The following CBR4 variants were observed in gnomAD, a reference collection of about 807,000 sequenced individuals.
The protein encoded by CBR4 is 3-oxoacyl-[acyl-carrier-protein] reductase.
In CBR4, 22 loss-of-function variants were observed where a neutral mutation model predicts 21.0. The ratio of observed to expected loss-of-function variants is 1.05; its 90% CI spans 0.75 to 1.50. CBR4 has a LOEUF of 1.50. Among genes scored for constraint, CBR4 ranks in the 40% most tolerant of loss-of-function variants. The pLI is 0.00. For missense variants in CBR4, 302 were observed against 286.3 expected (o/e 1.05, Z -0.40); for synonymous variants, 100 against 104.4 (o/e 0.96, Z 0.26).
intron 2 of CBR4, chr4:168,904,311 C>T (rs995528228): frequency 3.8e-5 from 7 of 183,730 alleles, no homozygotes; most frequent in Non-Finnish European, 8.2e-5. Flanking sequence ...AAGAAAAACT[C>T]AACAAAGTAA....
chr4:168,924,963 C>T lies in CBR4; in HGVS notation n.170-30198G>A, dbSNP rs779615947. ...TCTCCAGCATGCACCAGGACAACCA[C>T]GGCTACATCTGCCTGCTCATTCAGG... On this transcript the variant is annotated intron_variant and non_coding_transcript_variant, in intron 2 of 3. Transcript: ENST00000509108. 1.7e-5 allele frequency: 28 copies of T among 1,613,996 alleles called. No homozygotes were observed. Among genetic ancestry groups the T allele is most frequent in the Middle Eastern group, 1.6e-4 (1 of 6,082 alleles).
At chr4:168,929,500 TC>T (rs1762900632) in intron 2 of CBR4, among the ~76,000 whole-genome samples, 1 of 152,334 alleles carries the variant, frequency 6.6e-6, no homozygotes, top group Admixed American at 6.5e-5. Context: ...TCCTTGATTT[TC>T]CCTTTTATGA....
At chr4:169,005,982 G>A in intron 3 of CBR4, 2 of 1,062,914 alleles carry the variant, frequency 1.9e-6, no homozygotes, top group Non-Finnish European at 2.5e-6. Flanking sequence ...TTACCAAACT[G>A]AAATAAAATT....
intron 2 of CBR4, among the ~76,000 whole-genome samples, chr4:168,942,272 T>C (rs57793270): frequency 0.051 from 7,669 of 151,758 alleles, 616 homozygotes; most frequent in African/African-American, 0.17. Context: ...TTAGAACAAA[T>C]ACCTAATGCA....
Position 168,993,212 on chromosome 4 carries a change from C to CTT in CBR4, c.536-2886_536-2885dup, listed in dbSNP as rs150721961. Among the ~76,000 whole-genome samples the CTT allele has an allele frequency of 8.6e-3, 1,203 of 139,398 alleles. 17 individuals carry two copies. The highest frequency in any genetic ancestry group is 0.019 in the South Asian group (82 of 4,362). 91.5% of individuals were successfully genotyped at this position (139,398 alleles called of 152,430 possible). On this transcript the variant is annotated intron_variant, in intron 4 of 4. Coordinates refer to ENST00000306193, the MANE Select transcript of CBR4 (RefSeq NM_032783.5). ...TCTGTCTTTAGACACATGTATTTTC[C>CTT]TTTTTTTTTTTTTTTTGAGACAAGA...
At chr4:168,894,922 CCTT>C (rs878970618) in intron 2 of CBR4, among the ~76,000 whole-genome samples, 1 of 152,180 alleles carries the variant, frequency 6.6e-6, no homozygotes, top group Admixed American at 6.5e-5. Flanking sequence ...TGATTATTCT[CCTT>C]TCCAGTACAT....
chr4:168,975,392 G>A (rs1263854085), intron 2 of CBR4, among the ~76,000 whole-genome samples: 2 of 152,206 alleles, frequency 1.3e-5, no homozygotes, highest in African/African-American at 2.4e-5. Context: ...TGTTAGCAGT[G>A]AAGTTGTCAC....
chr4:168,951,306 C>T (rs1488660892), intron 2 of CBR4, among the ~76,000 whole-genome samples: 1 of 152,196 alleles, frequency 6.6e-6, no homozygotes, highest in Non-Finnish European at 1.5e-5. Flanking sequence ...ATCCACCCGC[C>T]TCGGCCTCCC....
In CBR4 at chr4:168,973,424, T is replaced by A. The variant is rs543364288; in HGVS notation, n.169+28647A>T. Among the ~76,000 whole-genome samples the A allele has an allele frequency of 2.6e-5, 4 of 152,296 alleles. No individual in the cohort carries two copies. The East Asian group carries it at 7.7e-4, about 29-fold the overall frequency. ...CTCACTGCAACCTCCACCTCCTGGA[T>A]TCAAGCAATTCTCCTGCCTCAGCCT... On this transcript the variant is annotated intron_variant and non_coding_transcript_variant, in intron 2 of 3. Transcript: ENST00000509108.
chr4:168,917,574 A>T (rs923647533), intron 2 of CBR4, among the ~76,000 whole-genome samples: 1 of 152,226 alleles, frequency 6.6e-6, no homozygotes, highest in Non-Finnish European at 1.5e-5. Flanking sequence ...AAATATGGAT[A>T]AGGTTTTAAA....
chr4:168,970,395 A>C (rs1764169188), intron 2 of CBR4, among the ~76,000 whole-genome samples: 1 of 152,200 alleles, frequency 6.6e-6, no homozygotes, highest in Admixed American at 6.5e-5. Context: ...GTATCATGTG[A>C]AGAACCAATT....
chr4:168,941,351 C>T lies in CBR4; in HGVS notation n.170-46586G>A, dbSNP rs553355798. ...AAAATTTTTTTAAAAAGATTATACA[C>T]CATGATCAAGTAGGATATATCCCAA... On this transcript the variant is annotated intron_variant and non_coding_transcript_variant, in intron 2 of 3. Coordinates refer to the CBR4 transcript ENST00000509108. Among the ~76,000 whole-genome samples, 139 of 152,162 alleles carry T rather than the reference C, an allele frequency of 9.1e-4. 1 individual carries two copies. Among genetic ancestry groups the T allele is most frequent in the African/African-American group, 3.2e-3 (134 of 41,534 alleles).
Position 168,988,535 on chromosome 4 carries a change from C to G in CBR4, c.*1615G>C. ...AGCAATTGAGACAGCATTAGAGAAA[C>G]TATCTACTATGTCTGAATAAGCTCC... On this transcript the variant is annotated 3_prime_UTR_variant, in exon 5 of 5. Transcript: ENST00000306193. 8.1e-6 allele frequency: 8 copies of G among 985,356 alleles called. No homozygotes were observed. Among genetic ancestry groups the G allele is most frequent in the Non-Finnish European group, 8.4e-6 (7 of 829,904 alleles). 61.0% of individuals were successfully genotyped at this position (985,356 alleles called of 1,614,324 possible).
At chr4:168,974,811 A>T (rs1414266167) in intron 2 of CBR4, among the ~76,000 whole-genome samples, 2 of 149,724 alleles carry the variant, frequency 1.3e-5, no homozygotes. Context: ...CATATCCTTT[A>T]TTTTTTTTTA....
chr4:168,972,129 A>G (rs1260278833), intron 2 of CBR4, among the ~76,000 whole-genome samples: 1 of 152,104 alleles, frequency 6.6e-6, no homozygotes, highest in Non-Finnish European at 1.5e-5. Flanking sequence ...TGGCTTCTCT[A>G]TTCTGTTCCA....
intron 2 of CBR4, among the ~76,000 whole-genome samples, chr4:168,952,847 A>T (rs1378742853): frequency 6.6e-6 from 1 of 151,950 alleles, no homozygotes; most frequent in Non-Finnish European, 1.5e-5. Flanking sequence ...TTCTGTGAGG[A>T]TTCTTGGCTT....
At chr4:168,920,843 T>TAA (rs1761328799) in intron 2 of CBR4, among the ~76,000 whole-genome samples, 1 of 152,216 alleles carries the variant, frequency 6.6e-6, no homozygotes, top group Non-Finnish European at 1.5e-5. Context: ...TGAGAAGCTT[T>TAA]ACAGTACTAT....
chr4:169,006,910 T>C lies in CBR4; in HGVS notation c.264-19A>G, dbSNP rs1730951595. The C allele has an allele frequency of 6.4e-7, 1 of 1,566,600 alleles. No homozygotes were observed. The highest frequency in any genetic ancestry group is 1.1e-5 in the South Asian group (1 of 88,896). Reference sequence around the variant, plus strand: ...ACCATCCCTACAAAAAGAAACAGCATATAATAGCATATAATAACAAGATAA... The same window carrying C: ...ACCATCCCTACAAAAAGAAACAGCACATAATAGCATATAATAACAAGATAA... On this transcript the variant is annotated intron_variant, in intron 2 of 4. Coordinates refer to ENST00000306193, the MANE Select transcript of CBR4 (RefSeq NM_032783.5).
chr4:168,994,705 A>G (rs1765098985), intron 4 of CBR4, among the ~76,000 whole-genome samples: 1 of 147,020 alleles, frequency 6.8e-6, no homozygotes. Context: ...CAGCCTCCCC[A>G]GCAGCTGGGA....
Sources: gnomAD v4.1 joint callset for allele counts (sites outside exome capture counted in the v4.1 genomes callset) on GRCh38, gnomAD v4.1.1 for gene constraint, MANE v1.5 for transcripts, NCBI Gene and HGNC (gene_info 2026-07-23, HGNC 2026-07-21) for gene names.